The following IZUMO1 variants were observed in gnomAD, a reference collection of about 807,000 sequenced individuals.
IZUMO1 encodes the protein izumo sperm-oocyte fusion 1.
Under a neutral mutation model 40.7 loss-of-function variants are expected in IZUMO1, and 44 were observed. The observed-to-expected ratio is 1.08, with a 90% CI of 0.85 to 1.39. The LOEUF is 1.39. Among genes scored for constraint, IZUMO1 ranks in the 40% most tolerant of loss-of-function variants. The pLI, the probability that IZUMO1 is intolerant of heterozygous loss-of-function variation, is 0.00. For synonymous variants in IZUMO1, 149 were observed against 170.9 expected (o/e 0.87, Z 1.00); for missense variants, 368 against 436.9 (o/e 0.84, Z 1.41).
At chr19:48,743,957 C>T in intron 5 of IZUMO1, 1 of 578,528 alleles carries the variant, frequency 1.7e-6, no homozygotes, top group Non-Finnish European at 3.1e-6. Flanking sequence ...TGCCACTGCA[C>T]TCCAGCCTGG....
intron 5 of IZUMO1, chr19:48,743,966 G>C: frequency 1.7e-6 from 1 of 593,288 alleles, no homozygotes; most frequent in Non-Finnish European, 3.0e-6. Flanking sequence ...ACTCCAGCCT[G>C]GGTGACAGGG....
At chr19:48,745,959 C>G in intron 1 of IZUMO1, 27 bp from the exon 2 acceptor site, 2 of 1,538,738 alleles carry the variant, frequency 1.3e-6, no homozygotes, top group Non-Finnish European at 1.8e-6. Context: ...CAAAATCCAT[C>G]TTAAGAAATC....
At chr19:48,746,406 C>G (rs28400017) in intron 1 of IZUMO1, 29 bp downstream of exon 1, 38,937 of 991,610 alleles carry the variant, frequency 0.039, 864 homozygotes, top group Non-Finnish European at 0.043. Flanking sequence ...TTATCAAACT[C>G]GGAACTCCTT....
Position 48,742,235 on chromosome 19 carries a change from C to A in IZUMO1, c.574G>T (p.Gly192Cys), listed in dbSNP as rs1568486336. 1 of 1,614,010 alleles carries A rather than the reference C, an allele frequency of 6.2e-7. No homozygotes were observed. Among genetic ancestry groups the A allele is most frequent in the South Asian group, 1.1e-5 (1 of 91,078 alleles). Residue 192 changes from glycine (G) to cysteine (C), a missense_variant, in exon 7 of 10, where the codon GGC becomes TGC. Coordinates refer to ENST00000332955, the MANE Select transcript of IZUMO1 (RefSeq NM_182575.3). The stretch of plus-strand genomic sequence containing the variant: ...CTGTAAAAGCTGTAATCAGTGAGGC[C>A]TTCCGAAGCCTGATGCCAGTTTAAC... ...CELNWHQASEGLTDYSFYRVW... is the reference protein window; with the variant it reads ...CELNWHQASECLTDYSFYRVW...
chr19:48,743,834 T>G, intron 5 of IZUMO1: 1 of 465,288 alleles, frequency 2.1e-6, no homozygotes, highest in East Asian at 4.2e-5. Context: ...CTGCTAAAAA[T>G]ACAAAAATTA....
Position 48,741,706 on chromosome 19 carries a change from A to T in IZUMO1, c.754+83T>A. 6.9e-7 allele frequency: 1 copy of T among 1,458,382 alleles called. No individual in the cohort carries two copies. Among genetic ancestry groups the T allele is most frequent in the Non-Finnish European group, 9.1e-7 (1 of 1,094,314 alleles). The allele number at this position is 1,458,382 out of a possible 1,614,324, so 90.3% of individuals were successfully genotyped here. A position where few individuals can be genotyped will look rare whatever the true frequency, so the allele number is the denominator to read the frequency against. On this transcript the variant is annotated intron_variant, in intron 8 of 9. Transcript: ENST00000332955. This position sits in a 1 kb window ranked among gnomAD's most constrained non-coding sequence, Gnocchi z 4.4. ...ACACCCAACAGGAAGTCACGCCCCC[A>T]TCGCCAAGGCCACGCCCCCGCCGCG...
chr19:48,744,762 C>G (rs1196414432), intron 3 of IZUMO1, among the ~76,000 whole-genome samples: 1 of 152,042 alleles, frequency 6.6e-6, no homozygotes, highest in Non-Finnish European at 1.5e-5. Context: ...TCGTGGCTCA[C>G]TGAAGCCTCA....
At chr19:48,744,406 A>C in intron 4 of IZUMO1, 47 bp downstream of exon 4, 1 of 1,450,804 alleles carries the variant, frequency 6.9e-7, no homozygotes, top group Non-Finnish European at 9.7e-7. Context: ...GGACTCTTGG[A>C]TAGTGGAAAG....
At chr19:48,745,150 C>T (rs2033841582) in intron 3 of IZUMO1, 64 bp downstream of exon 3, 1 of 1,347,144 alleles carries the variant, frequency 7.4e-7, no homozygotes, top group African/African-American at 1.4e-5. Flanking sequence ...GACCAAGAGA[C>T]CAGGCATCAC....
At position 48,741,447 on chromosome 19, in the gene IZUMO1, A is replaced by G. The variant is rs1190752650; in HGVS notation, c.786T>C (p.Pro262=). The G allele has an allele frequency of 4.3e-6, 7 of 1,612,174 alleles. No homozygotes were observed. The highest frequency in any genetic ancestry group is 5.9e-6 in the Non-Finnish European group (7 of 1,178,594). The change falls in exon 9 of 10, where the codon CCT becomes CCC. Residue 262 remains proline (P), a synonymous_variant. Transcript: ENST00000332955. This position sits in a 1 kb window ranked among gnomAD's most constrained non-coding sequence, Gnocchi z 4.4. ...VLPKMIKEEK[P]SPNIVTPGEA... ...CCCCCGGGGTTACGATATTTGGAGA[A>G]GGTTTTTCCTCCTTGATCATTTTGG...
chr19:48,741,091 C>A lies in IZUMO1; in HGVS notation c.933-63G>T, dbSNP rs913156283. 3 of 1,598,784 alleles carry A rather than the reference C, an allele frequency of 1.9e-6. No homozygotes were observed. Among genetic ancestry groups the A allele is most frequent in the African/African-American group, 2.7e-5 (2 of 74,530 alleles). The stretch of plus-strand genomic sequence containing the variant: ...TTGGGTACTAATTGTGTGGGGGACA[C>A]CCCTCCCAACCTCCCCCTTTGTGAC... On this transcript the variant is annotated intron_variant, in intron 9 of 9. Coordinates refer to ENST00000332955, the MANE Select transcript of IZUMO1 (RefSeq NM_182575.3). The surrounding 1 kb of genome is among the most constrained non-coding windows in gnomAD (Gnocchi z 4.4).
chr19:48,740,895 A>G lies in IZUMO1; in HGVS notation c.*13T>C. 1 of 1,614,124 alleles carries G rather than the reference A, an allele frequency of 6.2e-7. No homozygotes were observed. On this transcript the variant is annotated 3_prime_UTR_variant, in exon 10 of 10. Transcript: ENST00000332955. The surrounding 1 kb of genome is among the most constrained non-coding windows in gnomAD (Gnocchi z 5.5). ...GGGGAGTGAGTCAGATGCTTAGACA[A>G]CAAGATAAATCTTTATTGTTGCCTC... is the stretch of plus-strand genomic sequence containing the variant.
rs754310352 is a variant in IZUMO1, at chr19:48,745,910, C to T, written c.-51G>A. ...AGACCGTTAGGAAGGGTGCTCTCAC[C>T]CCAAACCGAGAGCAGGAGAACGCTA... On this transcript the variant is annotated 5_prime_UTR_variant, in exon 2 of 10. Transcript: ENST00000332955. 1.3e-5 allele frequency: 21 copies of T among 1,606,530 alleles called. No individual in the cohort carries two copies. Among genetic ancestry groups the T allele is most frequent in the Non-Finnish European group, 1.6e-5 (19 of 1,174,682 alleles).
At position 48,745,947 on chromosome 19, in the gene IZUMO1, G is replaced by A; in HGVS notation, c.-73-15C>T. The A allele has an allele frequency of 6.4e-7, 1 of 1,563,378 alleles. No homozygotes were observed. Among genetic ancestry groups the A allele is most frequent in the Non-Finnish European group, 8.7e-7 (1 of 1,152,804 alleles). On this transcript the variant is annotated splice_polypyrimidine_tract_variant and intron_variant, in intron 1 of 9. Coordinates refer to ENST00000332955, the MANE Select transcript of IZUMO1 (RefSeq NM_182575.3). ...GCAGGAGAACGCTAAACGGAGAAAA[G>A]CCAAAATCCATCTTAAGAAATCCCA... is the stretch of plus-strand genomic sequence containing the variant.
chr19:48,742,617 C>G (rs954367358), intron 6 of IZUMO1, among the ~76,000 whole-genome samples: 3 of 151,652 alleles, frequency 2.0e-5, no homozygotes, highest in South Asian at 4.2e-4. Flanking sequence ...CAAAGTGCTG[C>G]GATTACAGGC....
At chr19:48,745,332 A>T in intron 2 of IZUMO1, 44 bp from the exon 3 acceptor site, 6 of 1,542,966 alleles carry the variant, frequency 3.9e-6, no homozygotes, top group Non-Finnish European at 5.4e-6. Flanking sequence ...TTACTGTCTC[A>T]TTGGCGCGCC....
Position 48,746,557 on chromosome 19 carries a change from C to G in IZUMO1, c.-196G>C. 5 of 985,602 alleles carry G rather than the reference C, an allele frequency of 5.1e-6. No homozygotes were observed. The South Asian group carries it at 1.9e-4, about 37-fold the overall frequency. The allele number at this position is 985,602 out of a possible 1,614,324, so 61.1% of individuals were successfully genotyped here. On this transcript the variant is annotated 5_prime_UTR_variant, in exon 1 of 10. Coordinates refer to ENST00000332955, the MANE Select transcript of IZUMO1 (RefSeq NM_182575.3). ...CGGGCTCCCAATTTGCAGGGCGCAC[C>G]CTTCCGCTTAGAAAAAGGAGCCCCG... is the stretch of plus-strand genomic sequence containing the variant.
rs374385533 is a variant in IZUMO1 at position 48,745,703 on chromosome 19, T to C, written c.157A>G (p.Met53Val). The change falls in exon 2 of 10, where the codon ATG (methionine) becomes GTG (valine). Residue 53 changes from methionine to valine, a missense_variant. By Grantham distance (21) the Met-to-Val change is conservative. Coordinates refer to ENST00000332955, the MANE Select transcript of IZUMO1 (RefSeq NM_182575.3). ...ACGGCATTCTCTACCCTTTCCATCATGGCTTTGTGATGCTTCGCATCCAGG... is the reference window on the plus strand; with the variant it reads ...ACGGCATTCTCTACCCTTTCCATCACGGCTTTGTGATGCTTCGCATCCAGG... ...GHLDAKHHKA[M>V]MERVENAVKD... is the part of the protein sequence containing the mutation. 121 of 1,614,120 alleles carry C rather than the reference T, an allele frequency of 7.5e-5. No individual in the cohort carries two copies. The highest frequency in any genetic ancestry group is 9.7e-5 in the Non-Finnish European group (114 of 1,180,054).
chr19:48,742,186 G>A, intron 7 of IZUMO1, 23 bp downstream of exon 7: 1 of 1,578,084 alleles, frequency 6.3e-7, no homozygotes, highest in African/African-American at 1.3e-5. Flanking sequence ...GAGTTCAAGG[G>A]TTACAGAAGT....
Sources: gnomAD v4.1 joint callset for allele counts (sites outside exome capture counted in the v4.1 genomes callset) on GRCh38, gnomAD v4.1.1 for gene constraint, Gnocchi (gnomAD v3.1) non-coding constraint, MANE v1.5 for transcripts, NCBI Gene and HGNC (gene_info 2026-07-23, HGNC 2026-07-21) for gene names.